CEP112: variants seen among roughly 807,000 people sequenced by gnomAD.
The protein encoded by CEP112 is centrosomal protein 112, also known as centrosomal protein of 112 kDa.
In CEP112, 127 loss-of-function variants were observed where a neutral mutation model predicts 153.0. The ratio of observed to expected loss-of-function variants is 0.83; its 90% CI spans 0.72 to 0.96. The LOEUF is 0.96. Ranked by LOEUF, CEP112 falls within the 40% of genes least tolerant of loss-of-function variation. The pLI is 0.00. For synonymous variants in CEP112, 358 were observed against 374.4 expected (o/e 0.96, Z 0.51); for missense variants, 1,089 against 1,101.2 (o/e 0.99, Z 0.16).
chr17:66,164,543 C>T (rs1427852436), intron 4 of CEP112, among the ~76,000 whole-genome samples: 6 of 94,002 alleles, frequency 6.4e-5, no homozygotes, highest in East Asian at 3.2e-4. Flanking sequence ...GGCGACAGTG[C>T]GAAACTCTAT....
At chr17:66,172,244 TCATG>T (rs1340866267) in intron 4 of CEP112, among the ~76,000 whole-genome samples, 4 of 152,106 alleles carry the variant, frequency 2.6e-5, no homozygotes, top group African/African-American at 9.7e-5. Context: ...AGTTCCTACC[TCATG>T]AAATTTACAA....
intron 12 of CEP112, among the ~76,000 whole-genome samples, chr17:66,033,184 C>A (rs1382541288): frequency 6.6e-6 from 1 of 151,988 alleles, no homozygotes; most frequent in East Asian, 1.9e-4. Flanking sequence ...AAATGGAGAT[C>A]CAGCATTTAC....
chr17:66,094,870 C>T (rs772661580), intron 8 of CEP112, among the ~76,000 whole-genome samples: 12 of 152,128 alleles, frequency 7.9e-5, no homozygotes, highest in South Asian at 2.1e-4. Context: ...AAAGAAGACA[C>T]GCAAATAGCC....
At chr17:66,116,163 G>T (rs556405996) in intron 6 of CEP112, among the ~76,000 whole-genome samples, 4 of 152,282 alleles carry the variant, frequency 2.6e-5, no homozygotes, top group Middle Eastern at 3.4e-3. Context: ...AATTTGTAAC[G>T]TTCCTTACAC....
chr17:65,816,292 A>AT (rs1446281459), intron 21 of CEP112, among the ~76,000 whole-genome samples: 2 of 151,928 alleles, frequency 1.3e-5, no homozygotes, highest in African/African-American at 2.4e-5. Flanking sequence ...AAAAATTTTA[A>AT]TTTTTTATTC....
At chr17:65,866,857 T>C (rs942671450) in intron 20 of CEP112, among the ~76,000 whole-genome samples, 3 of 152,132 alleles carry the variant, frequency 2.0e-5, no homozygotes, top group African/African-American at 7.2e-5. Flanking sequence ...TATTGCTCAA[T>C]AAAGCTCCTC....
chr17:65,688,305 C>T (rs1390896125), intron 24 of CEP112: 1 of 152,220 alleles, frequency 6.6e-6, no homozygotes, highest in East Asian at 1.9e-4. Context: ...TGGCTGCATA[C>T]TCAACACTCC....
chr17:65,636,238 A>G (rs2044761273), intron 26 of CEP112, among the ~76,000 whole-genome samples: 1 of 152,240 alleles, frequency 6.6e-6, no homozygotes, highest in Non-Finnish European at 1.5e-5. Context: ...ACAAACAGGA[A>G]GGGCGTTTGA....
intron 18 of CEP112, among the ~76,000 whole-genome samples, chr17:65,953,597 C>T (rs1036511818): frequency 2.6e-5 from 4 of 152,134 alleles, no homozygotes; most frequent in South Asian, 2.1e-4. Flanking sequence ...GAAATAGACT[C>T]GGTGCTGTTG....
intron 19 of CEP112, among the ~76,000 whole-genome samples, chr17:65,910,732 G>C (rs989004970): frequency 6.6e-6 from 1 of 152,096 alleles, no homozygotes; most frequent in African/African-American, 2.4e-5. Context: ...GCTAAAGTAG[G>C]AAACGTGAAA....
intron 2 of CEP112, 68 bp from the exon 3 acceptor site, chr17:66,177,088 T>A: frequency 8.0e-7 from 1 of 1,245,996 alleles, no homozygotes; most frequent in Non-Finnish European, 1.1e-6. Context: ...TACAAAGACC[T>A]ATAATAGCAC....
chr17:66,044,509 G>A (rs1385429181), intron 12 of CEP112, among the ~76,000 whole-genome samples: 1 of 152,140 alleles, frequency 6.6e-6, no homozygotes, highest in Non-Finnish European at 1.5e-5. Flanking sequence ...TGTGGTATAT[G>A]CATAGAGTGG....
intron 21 of CEP112, chr17:65,826,367 C>G: frequency 1.3e-6 from 2 of 1,592,958 alleles, no homozygotes; most frequent in Non-Finnish European, 1.7e-6. Context: ...GTAGGGCAGG[C>G]AGAACTTCTA....
chr17:66,097,767 T>G (rs1490625502), intron 6 of CEP112, among the ~76,000 whole-genome samples: 3 of 152,200 alleles, frequency 2.0e-5, no homozygotes, highest in Admixed American at 6.5e-5. Flanking sequence ...TATGATAAAG[T>G]AGACATATTG....
At chr17:65,688,225 A>C (rs151230110) in intron 24 of CEP112, 2 of 152,380 alleles carry the variant, frequency 1.3e-5, no homozygotes, top group East Asian at 3.8e-4. Flanking sequence ...AATTCAAAAG[A>C]AAATGTGATT....
intron 19 of CEP112, among the ~76,000 whole-genome samples, chr17:65,904,844 C>T (rs1199548088): frequency 6.6e-6 from 1 of 152,100 alleles, no homozygotes; most frequent in Non-Finnish European, 1.5e-5. Context: ...CAAAAACGAG[C>T]AATGGAGAAA....
chr17:66,060,401 C>T lies in CEP112; in HGVS notation c.1074+2562G>A, dbSNP rs184196529. On this transcript the variant is annotated intron_variant, in intron 11 of 26. Coordinates refer to ENST00000535342, the MANE Select transcript of CEP112 (RefSeq NM_001199165.4). ...GACATTTTCACAGAAATAGAAAAAGCGATCCTAAAATTTGCATGTAACCAC... is the reference window on the plus strand; with the variant it reads ...GACATTTTCACAGAAATAGAAAAAGTGATCCTAAAATTTGCATGTAACCAC... Among the ~76,000 whole-genome samples the T allele has an allele frequency of 1.2e-3, 179 of 152,192 alleles. 1 individual carries two copies. Among genetic ancestry groups the T allele is most frequent in the African/African-American group, 3.9e-3 (164 of 41,548 alleles).
chr17:66,041,993 A>G (rs2066003786), intron 12 of CEP112, among the ~76,000 whole-genome samples: 1 of 152,294 alleles, frequency 6.6e-6, no homozygotes, highest in South Asian at 2.1e-4. Context: ...GAGAAACCTA[A>G]TTAACACTAC....
At chr17:65,935,806 C>T (rs1268743000) in intron 18 of CEP112, among the ~76,000 whole-genome samples, 1 of 150,464 alleles carries the variant, frequency 6.6e-6, no homozygotes, top group Non-Finnish European at 1.5e-5. Flanking sequence ...AAAAGAAAGA[C>T]AAACCTCAAA....
Sources: gnomAD v4.1 joint callset for allele counts (sites outside exome capture counted in the v4.1 genomes callset) on GRCh38, gnomAD v4.1.1 for gene constraint, MANE v1.5 for transcripts, NCBI Gene and HGNC (gene_info 2026-07-23, HGNC 2026-07-21) for gene names.